RNF212: variants seen among roughly 807,000 people sequenced by gnomAD.
RNF212 encodes ring finger protein 212, also known as probable E3 SUMO-protein ligase RNF212.
In RNF212, 33 loss-of-function variants were observed where a neutral mutation model predicts 34.7. That is an observed-to-expected ratio of 0.95 (90% CI 0.72 to 1.27). RNF212 has a LOEUF of 1.27. Ranked by LOEUF, RNF212 falls within the 50% of genes most tolerant of loss-of-function variation. The pLI is 0.00. For synonymous variants in RNF212, 140 were observed against 136.1 expected, an observed-to-expected ratio of 1.03 and a Z score of -0.20; for missense variants, 377 against 362.2, an observed-to-expected ratio of 1.04 and a Z score of -0.33.
At chr4:1,095,497 A>G (rs71604353) in intron 3 of RNF212, among the ~76,000 whole-genome samples, 4 of 73,716 alleles carry the variant, frequency 5.4e-5, no homozygotes, top group African/African-American at 2.2e-4. Context: ...GGCTCATCAC[A>G]GAACCAAGCA....
intron 4 of RNF212, among the ~76,000 whole-genome samples, chr4:1,090,387 G>T (rs1436808728): frequency 6.6e-6 from 1 of 152,182 alleles, no homozygotes; most frequent in African/African-American, 2.4e-5. Context: ...TTTAAAGCTG[G>T]GTTCCTGACT....
intron 1 of RNF212, among the ~76,000 whole-genome samples, chr4:1,112,058 A>C (rs1202081656): frequency 6.6e-6 from 1 of 152,210 alleles, no homozygotes; most frequent in Admixed American, 6.5e-5. Context: ...AATTAAAAAA[A>C]TCAGGGGTGC....
At chr4:1,068,847 G>A (rs1192027186), downstream of RNF212, among the ~76,000 whole-genome samples, 11 of 152,186 alleles carry the variant, frequency 7.2e-5, no homozygotes, top group Non-Finnish European at 1.6e-4. Context: ...TTTTAAAAAT[G>A]CATTTTGAAC....
intron 8 of RNF212, among the ~76,000 whole-genome samples, chr4:1,074,758 A>C (rs1307360482): frequency 2.6e-5 from 4 of 152,108 alleles, no homozygotes; most frequent in Admixed American, 1.3e-4. Context: ...ACCCCCAAGA[A>C]GACAGAATCT....
chr4:1,110,223 C>T (rs1725441764), intron 1 of RNF212, among the ~76,000 whole-genome samples: 1 of 152,118 alleles, frequency 6.6e-6, no homozygotes, highest in Admixed American at 6.5e-5. Flanking sequence ...TAGAAAGAAA[C>T]ACCTCAATAA....
chr4:1,084,023 A>G (rs1424562638), intron 5 of RNF212, among the ~76,000 whole-genome samples: 1 of 146,420 alleles, frequency 6.8e-6, no homozygotes, highest in East Asian at 2.0e-4. Context: ...ATCTTGGCTC[A>G]CCGCAACCTC....
chr4:1,084,918 C>T (rs1400920946), intron 5 of RNF212, among the ~76,000 whole-genome samples: 3 of 152,198 alleles, frequency 2.0e-5, no homozygotes, highest in African/African-American at 7.2e-5. Flanking sequence ...ATCAGAACCT[C>T]GTGTCAGGAG....
Position 1,072,588 on chromosome 4 carries a change from C to A in RNF212, c.*286G>T. ...TCTAAGAAAAAGTTTTAAAAACCAC[C>A]CAGTTAGAAAAAAATGATTTAAGTA... On this transcript the variant is annotated 3_prime_UTR_variant, in exon 10 of 10. Coordinates refer to ENST00000433731, the MANE Select transcript of RNF212 (RefSeq NM_001131034.4). 1.1e-6 allele frequency: 1 copy of A among 917,118 alleles called. No individual in the cohort carries two copies. The allele number at this position is 917,118 out of a possible 1,614,324, so 56.8% of individuals were successfully genotyped here.
chr4:1,095,296 G>A (rs1164672893), intron 3 of RNF212, among the ~76,000 whole-genome samples: 102 of 39,098 alleles, frequency 2.6e-3, no homozygotes, highest in Non-Finnish European at 2.8e-3. Flanking sequence ...CCATGGTCTC[G>A]GGATAGCGCA....
intron 4 of RNF212, chr4:1,056,996 G>T: frequency 1.0e-6 from 1 of 987,596 alleles, no homozygotes; most frequent in Non-Finnish European, 1.2e-6. Flanking sequence ...AATTTGCAGA[G>T]GTGGAATCCT....
intron 4 of RNF212, among the ~76,000 whole-genome samples, chr4:1,057,191 T>A (rs950890587): frequency 1.3e-5 from 2 of 152,094 alleles, no homozygotes; most frequent in East Asian, 3.9e-4. Flanking sequence ...GCAGGGCCCG[T>A]GGGCACCCAG....
chr4:1,061,246 G>A (rs1239647539), intron 3 of RNF212, among the ~76,000 whole-genome samples: 8 of 152,146 alleles, frequency 5.3e-5, no homozygotes. Context: ...TACCCAGCAA[G>A]AGCACAGCTG....
chr4:1,083,588 A>C (rs1720696683), intron 5 of RNF212, among the ~76,000 whole-genome samples: 1 of 152,186 alleles, frequency 6.6e-6, no homozygotes, highest in South Asian at 2.1e-4. Flanking sequence ...AGGTGAGCTG[A>C]GATCGTGCCA....
chr4:1,097,400 C>T (rs563675318), intron 2 of RNF212, among the ~76,000 whole-genome samples: 6 of 151,304 alleles, frequency 4.0e-5, no homozygotes, highest in East Asian at 2.0e-4. Context: ...GTCAGGAGAT[C>T]GAGACCATCC....
At chr4:1,090,187 G>T (rs768405275) in intron 4 of RNF212, among the ~76,000 whole-genome samples, 1 of 150,970 alleles carries the variant, frequency 6.6e-6, no homozygotes, top group Non-Finnish European at 1.5e-5. Context: ...GGGGTGACAG[G>T]ACAGGGCAAG....
chr4:1,069,967 C>T (rs2153034746), downstream of RNF212, among the ~76,000 whole-genome samples: 1 of 152,264 alleles, frequency 6.6e-6, no homozygotes. Context: ...GGACGCCTAG[C>T]CTGAATTACG....
chr4:1,109,797 C>T (rs1048856638), intron 1 of RNF212, among the ~76,000 whole-genome samples: 1 of 152,178 alleles, frequency 6.6e-6, no homozygotes, highest in African/African-American at 2.4e-5. Flanking sequence ...GAGGCAGCAT[C>T]TCTTCCAGCC....
At position 1,059,152 on chromosome 4, in the gene RNF212, C is replaced by T. The variant is rs116456117; in HGVS notation, n.148-759G>A. On this transcript the variant is annotated intron_variant and non_coding_transcript_variant, in intron 3 of 4. Coordinates refer to the RNF212 transcript ENST00000503206. ...CAGTGCCCTGCCTGCTGCGGCACGTCGGGGGGTTGCCGGCTTGTGGGGCAG... is the reference window on the plus strand; with the variant it reads ...CAGTGCCCTGCCTGCTGCGGCACGTTGGGGGGTTGCCGGCTTGTGGGGCAG... Among the ~76,000 whole-genome samples the T allele has an allele frequency of 5.7e-3, 875 of 152,320 alleles. 10 individuals carry two copies. Among genetic ancestry groups the T allele is most frequent in the African/African-American group, 0.02 (833 of 41,572 alleles).
rs370855797 is a variant in RNF212 at position 1,111,534 on chromosome 4, G to T, written c.109+1822C>A. On this transcript the variant is annotated intron_variant, in intron 1 of 9. Coordinates refer to ENST00000433731, the MANE Select transcript of RNF212 (RefSeq NM_001131034.4). ...TTGTCTAGCAGTGAAACCCTGTCCA[G>T]TTCTCTAGCCCTTGTCTCCGACTCA... 1.6e-3 allele frequency among the ~76,000 whole-genome samples: 244 copies of T among 152,248 alleles called. 7 individuals are homozygous for T. The South Asian group carries it at 0.049, about 31-fold the overall frequency.
Sources: allele counts gnomAD v4.1 joint callset (sites outside exome capture counted in the v4.1 genomes callset), GRCh38; gene constraint gnomAD v4.1.1; transcripts MANE v1.5; gene names NCBI Gene and HGNC (gene_info 2026-07-23, HGNC 2026-07-21).